ST6GALNAC5: variants seen among roughly 807,000 people sequenced by gnomAD.
ST6GALNAC5 encodes the protein alpha-N-acetylgalactosaminide alpha-2,6-sialyltransferase 5.
ST6GALNAC5 carries 27 observed loss-of-function variants against 33.6 expected under a neutral mutation model. The observed-to-expected ratio is 0.80, with a 90% CI of 0.59 to 1.11. The LOEUF (loss-of-function observed/expected upper bound fraction) is 1.11. ST6GALNAC5 is among the 50% of genes least tolerant of loss of function. The pLI, the probability that ST6GALNAC5 is intolerant of heterozygous loss-of-function variation, is 0.00. For missense variants in ST6GALNAC5, 428 were observed against 454.0 expected (o/e 0.94, Z 0.52); for synonymous variants, 194 against 171.2 (o/e 1.13, Z -1.04).
chr1:77,026,355 G>A (rs1420516957), intron 2 of ST6GALNAC5, among the ~76,000 whole-genome samples: 1 of 152,156 alleles, frequency 6.6e-6, no homozygotes, highest in African/African-American at 2.4e-5. Context: ...CTCCATATAA[G>A]GGCACAGCAC....
intron 2 of ST6GALNAC5, among the ~76,000 whole-genome samples, chr1:76,948,866 A>G (rs1205687682): frequency 6.6e-6 from 1 of 152,124 alleles, no homozygotes; most frequent in Non-Finnish European, 1.5e-5. Context: ...GGGCCATTTT[A>G]CATTCTACTG....
At chr1:76,884,725 G>T (rs1482012428) in intron 2 of ST6GALNAC5, among the ~76,000 whole-genome samples, 1 of 152,128 alleles carries the variant, frequency 6.6e-6, no homozygotes, top group African/African-American at 2.4e-5. Flanking sequence ...AGAAAGGGTG[G>T]TTTGTCATGG....
chr1:76,962,912 T>C (rs1570713057), intron 2 of ST6GALNAC5, among the ~76,000 whole-genome samples: 1 of 152,218 alleles, frequency 6.6e-6, no homozygotes, highest in South Asian at 2.1e-4. Context: ...ACCAAGAGCA[T>C]TGAAGGAAAA....
At position 76,935,321 on chromosome 1, in the gene ST6GALNAC5, G is replaced by A. The variant is rs1647189823; in HGVS notation, c.261+66579G>A. Among the ~76,000 whole-genome samples, 3 of 152,076 alleles carry A rather than the reference G, an allele frequency of 2.0e-5. No individual in the cohort carries two copies. In the South Asian group the frequency reaches 6.2e-4, roughly 32 times the overall value. On this transcript the variant is annotated intron_variant, in intron 2 of 4. Coordinates refer to ENST00000477717, the MANE Select transcript of ST6GALNAC5 (RefSeq NM_030965.3). ...GGATAGGGGAAAAAATCAGATTATG[G>A]GGTTTTTTCCTTGTTAATGTTATCC...
intron 2 of ST6GALNAC5, among the ~76,000 whole-genome samples, chr1:76,949,356 G>A (rs141466675): frequency 1.6e-4 from 24 of 152,244 alleles, no homozygotes; most frequent in African/African-American, 5.1e-4. Flanking sequence ...CCTGTTTGGG[G>A]CTCAGTTTTG....
intron 2 of ST6GALNAC5, among the ~76,000 whole-genome samples, chr1:76,891,197 C>T (rs1654005731): frequency 6.6e-6 from 1 of 152,118 alleles, no homozygotes; most frequent in Non-Finnish European, 1.5e-5. Flanking sequence ...TTTACAGTCC[C>T]ACCAGTAAGA....
intron 2 of ST6GALNAC5, among the ~76,000 whole-genome samples, chr1:77,027,074 C>A (rs1651269209): frequency 6.6e-6 from 1 of 152,202 alleles, no homozygotes; most frequent in Non-Finnish European, 1.5e-5. Flanking sequence ...AGACAGAAAG[C>A]AACGAAAGTT....
chr1:77,021,783 T>C (rs1393644611), intron 2 of ST6GALNAC5, among the ~76,000 whole-genome samples: 2 of 152,054 alleles, frequency 1.3e-5, no homozygotes, highest in African/African-American at 2.4e-5. Context: ...TGATTGATAC[T>C]AATCTTCCTC....
chr1:77,019,393 A>G (rs552626488), intron 2 of ST6GALNAC5, among the ~76,000 whole-genome samples: 14 of 152,158 alleles, frequency 9.2e-5, no homozygotes, highest in Non-Finnish European at 1.6e-4. Flanking sequence ...TGTTTTCATC[A>G]CTGTGTTCTG....
At chr1:76,934,472 G>A (rs1024422214) in intron 2 of ST6GALNAC5, among the ~76,000 whole-genome samples, 2 of 151,978 alleles carry the variant, frequency 1.3e-5, no homozygotes, top group Admixed American at 6.6e-5. Flanking sequence ...AAGACATATG[G>A]TAATTACTAT....
At chr1:77,044,164 C>A in intron 2 of ST6GALNAC5, 40 bp from the exon 3 acceptor site, 2 of 1,556,272 alleles carry the variant, frequency 1.3e-6, no homozygotes, top group East Asian at 2.3e-5. Context: ...AGGGTTAAGC[C>A]CTTTGCCCCT....
chr1:77,058,132 C>T (rs1652460326), intron 4 of ST6GALNAC5, among the ~76,000 whole-genome samples: 1 of 152,176 alleles, frequency 6.6e-6, no homozygotes, highest in Admixed American at 6.5e-5. Context: ...AGGAGTTTTT[C>T]CAAGACACAG....
chr1:76,966,963 C>T (rs551542680), intron 2 of ST6GALNAC5, among the ~76,000 whole-genome samples: 1 of 152,218 alleles, frequency 6.6e-6, no homozygotes, highest in Admixed American at 6.5e-5. Flanking sequence ...GATCGTGGTG[C>T]ATAAGCTTTT....
At chr1:76,905,258 G>A (rs1028354343) in intron 2 of ST6GALNAC5, among the ~76,000 whole-genome samples, 1 of 152,180 alleles carries the variant, frequency 6.6e-6, no homozygotes, top group Non-Finnish European at 1.5e-5. Context: ...ACTTACAAGA[G>A]TCACAGTTAC....
At chr1:76,913,370 C>T (rs1212344823) in intron 2 of ST6GALNAC5, among the ~76,000 whole-genome samples, 1 of 151,218 alleles carries the variant, frequency 6.6e-6, no homozygotes, top group Admixed American at 6.6e-5. Context: ...TTCATTTCAA[C>T]TTTGGTGAAT....
rs561828596 is a variant in ST6GALNAC5, at chr1:77,065,896, T to A, written c.*2690T>A. On this transcript the variant is annotated 3_prime_UTR_variant, in exon 5 of 5. Transcript: ENST00000477717. ...GCTGGTCGATCCATGGCTTCTGTTATTTCAACACAAGAACATTTGGCAGAG... is the reference window on the plus strand; with the variant it reads ...GCTGGTCGATCCATGGCTTCTGTTAATTCAACACAAGAACATTTGGCAGAG... 9.2e-5 allele frequency among the ~76,000 whole-genome samples: 14 copies of A among 152,346 alleles called. No individual in the cohort carries two copies. The South Asian group carries it at 2.1e-3, about 23-fold the overall frequency.
At chr1:76,940,084 G>A (rs1255248260) in intron 2 of ST6GALNAC5, among the ~76,000 whole-genome samples, 1 of 150,980 alleles carries the variant, frequency 6.6e-6, no homozygotes, top group Admixed American at 6.6e-5. Context: ...TGCATGTATG[G>A]TTTCACTAAA....
chr1:76,883,427 T>A lies in ST6GALNAC5; in HGVS notation c.261+14685T>A, dbSNP rs563809751. The stretch of plus-strand genomic sequence containing the variant: ...TTGGGTAGGCAAAGTTCTATTTTAA[T>A]TGTATGTAGTATGAAGAAATTTGAC... On this transcript the variant is annotated intron_variant, in intron 2 of 4. Coordinates refer to ENST00000477717, the MANE Select transcript of ST6GALNAC5 (RefSeq NM_030965.3). 2.0e-5 allele frequency among the ~76,000 whole-genome samples: 3 copies of A among 152,348 alleles called. No individual in the cohort carries two copies. In the South Asian group the frequency reaches 6.2e-4, roughly 32 times the overall value.
chr1:77,058,100 A>G (rs544628568), intron 4 of ST6GALNAC5, among the ~76,000 whole-genome samples: 9 of 152,344 alleles, frequency 5.9e-5, no homozygotes, highest in African/African-American at 2.2e-4. Context: ...TGCCATTAGT[A>G]CAGAAACCCC....
Sources: allele counts gnomAD v4.1 joint callset (sites outside exome capture counted in the v4.1 genomes callset), GRCh38; gene constraint gnomAD v4.1.1; transcripts MANE v1.5; gene names NCBI Gene and HGNC (gene_info 2026-07-23, HGNC 2026-07-21).